The following HIVEP3 variants were observed in gnomAD, a reference collection of about 807,000 sequenced individuals.
HIVEP3 encodes HIVEP zinc finger 3.
Under a neutral mutation model 152.8 loss-of-function variants are expected in HIVEP3, and 49 were observed. That is an observed-to-expected ratio of 0.32 (90% CI 0.26 to 0.41). HIVEP3 has a LOEUF of 0.41. Among genes scored for constraint, HIVEP3 ranks in the 10% least tolerant of loss-of-function variants. The probability of loss-of-function intolerance (pLI) is 1.00; values close to 1 mark genes in which losing one functional copy is unlikely to be tolerated. For missense variants in HIVEP3, 2,790 were observed against 3,103.3 expected, an observed-to-expected ratio of 0.90 and a Z score of 2.40; for synonymous variants, 1,269 against 1,289.0, an observed-to-expected ratio of 0.98 and a Z score of 0.33.
At chr1:41,886,460 C>T (rs769932606) in intron 1 of HIVEP3, among the ~76,000 whole-genome samples, 23 of 152,022 alleles carry the variant, frequency 1.5e-4, no homozygotes, top group Non-Finnish European at 1.0e-4. Context: ...CACCTGTCAT[C>T]CCAGCATTTT....
chr1:41,790,804 T>C (rs975465647), intron 1 of HIVEP3, among the ~76,000 whole-genome samples: 4 of 152,028 alleles, frequency 2.6e-5, no homozygotes, highest in Non-Finnish European at 5.9e-5. Flanking sequence ...AAGCCAACTT[T>C]ATCTCCTTGG....
chr1:41,946,907 G>A (rs943437802), intron 1 of HIVEP3, among the ~76,000 whole-genome samples: 3 of 152,176 alleles, frequency 2.0e-5, no homozygotes, highest in Admixed American at 6.5e-5. Context: ...GAAACCCAAC[G>A]GACAGTGGAG....
chr1:41,886,120 TC>T, intron 1 of HIVEP3, among the ~76,000 whole-genome samples: 1 of 152,334 alleles, frequency 6.6e-6, no homozygotes, highest in East Asian at 1.9e-4. Context: ...ACTGTATCTT[TC>T]AACTCTGATG....
chr1:41,671,897 G>T (rs1025487774), intron 2 of HIVEP3, among the ~76,000 whole-genome samples: 1 of 152,216 alleles, frequency 6.6e-6, no homozygotes, highest in Non-Finnish European at 1.5e-5. Context: ...TATGGAGGCA[G>T]GGGAAACAGC....
chr1:42,011,361 C>T (rs1008864756), intron 1 of HIVEP3, among the ~76,000 whole-genome samples: 3 of 152,166 alleles, frequency 2.0e-5, no homozygotes, highest in Non-Finnish European at 2.9e-5. Flanking sequence ...TCTAGACTCA[C>T]GTGTATAAAG....
At chr1:41,907,733 T>C (rs1265555068) in intron 1 of HIVEP3, among the ~76,000 whole-genome samples, 1 of 152,156 alleles carries the variant, frequency 6.6e-6, no homozygotes, top group East Asian at 1.9e-4. Flanking sequence ...CCCGCTGGCC[T>C]GGCAGTAAAC....
At chr1:41,888,202 A>ATTTTTT (rs61561436) in intron 1 of HIVEP3, among the ~76,000 whole-genome samples, 6 of 99,198 alleles carry the variant, frequency 6.0e-5, no homozygotes, top group Non-Finnish European at 7.8e-5. Flanking sequence ...CGCCCGGCTA[A>ATTTTTT]TTTTTTTTTT....
intron 1 of HIVEP3, among the ~76,000 whole-genome samples, chr1:41,947,458 T>A (rs1645081772): frequency 6.6e-6 from 1 of 152,212 alleles, no homozygotes; most frequent in Non-Finnish European, 1.5e-5. Flanking sequence ...CTAAAGCAAC[T>A]AAGAGCATTC....
chr1:41,643,227 T>G (rs1358417858), intron 2 of HIVEP3, among the ~76,000 whole-genome samples: 1 of 152,230 alleles, frequency 6.6e-6, no homozygotes, highest in Non-Finnish European at 1.5e-5. Context: ...GCCTGCTGAC[T>G]GCCATCAGAA....
At chr1:41,538,402 A>G (rs1402649265) in intron 5 of HIVEP3, among the ~76,000 whole-genome samples, 1 of 152,128 alleles carries the variant, frequency 6.6e-6, no homozygotes, top group East Asian at 1.9e-4. Flanking sequence ...CTTCTTATAC[A>G]CCTTCCAGAA....
chr1:41,514,499 C>T (rs985369377), intron 7 of HIVEP3, among the ~76,000 whole-genome samples: 5 of 152,194 alleles, frequency 3.3e-5, no homozygotes, highest in South Asian at 2.1e-4. Context: ...TGGCAGGTGG[C>T]GGACTCTGGC....
At chr1:41,910,967 T>C (rs1278270960) in intron 1 of HIVEP3, among the ~76,000 whole-genome samples, 4 of 152,008 alleles carry the variant, frequency 2.6e-5, no homozygotes, top group Non-Finnish European at 4.4e-5. Flanking sequence ...GGATGTCCTT[T>C]AAAAGACACA....
At chr1:41,795,636 C>T (rs542419905) in intron 1 of HIVEP3, among the ~76,000 whole-genome samples, 3 of 152,178 alleles carry the variant, frequency 2.0e-5, no homozygotes, top group East Asian at 3.9e-4. Flanking sequence ...ACTTTCTTCC[C>T]TTATTTATTT....
chr1:41,666,658 C>T (rs1645800928), intron 2 of HIVEP3, among the ~76,000 whole-genome samples: 1 of 152,184 alleles, frequency 6.6e-6, no homozygotes, highest in Non-Finnish European at 1.5e-5. Flanking sequence ...AGAAGCCCTT[C>T]TCCATGCCTG....
At chr1:41,598,824 T>TATTTATTTATTTATTC (rs1246090533) in intron 3 of HIVEP3, among the ~76,000 whole-genome samples, 1 of 150,374 alleles carries the variant, frequency 6.7e-6, no homozygotes, top group African/African-American at 2.4e-5. Flanking sequence ...TTTATTTATT[T>TATTTATTTATTTATTC]ATTTATTTAG....
At chr1:41,911,320 T>A (rs534865110) in intron 1 of HIVEP3, among the ~76,000 whole-genome samples, 2 of 152,344 alleles carry the variant, frequency 1.3e-5, no homozygotes, top group East Asian at 3.9e-4. Context: ...CTGTTACACA[T>A]CCACAAGATG....
At chr1:41,893,453 CA>C (rs1340930880) in intron 1 of HIVEP3, among the ~76,000 whole-genome samples, 5 of 152,140 alleles carry the variant, frequency 3.3e-5, no homozygotes, top group South Asian at 2.1e-4. Context: ...ATCTGGGGGT[CA>C]GGGGGTTGCT....
chr1:42,005,608 C>A (rs529547902), intron 1 of HIVEP3, among the ~76,000 whole-genome samples: 13 of 152,234 alleles, frequency 8.5e-5, no homozygotes, highest in African/African-American at 3.1e-4. Flanking sequence ...GTGTTGGTTC[C>A]CATGCTGCAT....
chr1:41,796,357 G>A (rs184209808), intron 1 of HIVEP3, among the ~76,000 whole-genome samples: 99 of 152,324 alleles, frequency 6.5e-4, no homozygotes, highest in African/African-American at 1.9e-3. Context: ...CTGTTCCTCT[G>A]GGCCTGGAGA....
Sources: allele counts gnomAD v4.1 joint callset (sites outside exome capture counted in the v4.1 genomes callset), GRCh38; gene constraint gnomAD v4.1.1; transcripts MANE v1.5; gene names NCBI Gene and HGNC (gene_info 2026-07-23, HGNC 2026-07-21).